Variants in LRTM3 observed in about 807,000 individuals in gnomAD.
LRTM3 encodes the protein leucine rich repeat transmembrane protein 3.
chr13:102,729,588 G>T, the LRTM3 span: 5 of 1,535,766 alleles, frequency 3.3e-6, no homozygotes. Flanking sequence ...GTTTCAGGGG[G>T]AATAGTCCAG....
chr13:102,731,223 C>A, the LRTM3 span: 1 of 1,551,388 alleles, frequency 6.4e-7, no homozygotes, highest in South Asian at 1.2e-5. Flanking sequence ...ATATTGCTGG[C>A]AAGAGGTGAA....
At chr13:102,741,467 TCA>T in the LRTM3 span, 5 of 1,549,816 alleles carry the variant, frequency 3.2e-6, no homozygotes, top group South Asian at 4.8e-5. Context: ...TACAAATATA[TCA>T]GTTTCCTTTA....
At chr13:102,734,227 C>T in the LRTM3 span, 1 of 1,551,358 alleles carries the variant, frequency 6.4e-7, no homozygotes, top group Non-Finnish European at 8.7e-7. Context: ...CTTTCTGTGA[C>T]CTATGTGGTT....
chr13:102,742,616 TTC>T, the LRTM3 span: 10 of 1,550,568 alleles, frequency 6.4e-6, no homozygotes, highest in Non-Finnish European at 8.7e-6. Flanking sequence ...GGCTTTAAAG[TTC>T]TGTTTCTGCT....
At chr13:102,733,773 G>A in the LRTM3 span, 97 of 1,551,344 alleles carry the variant, frequency 6.3e-5, no homozygotes, top group Middle Eastern at 6.7e-4. Context: ...GACCTGACTC[G>A]TGAAGGTTGG....
chr13:102,735,029 C>T, the LRTM3 span: 1 of 1,551,168 alleles, frequency 6.4e-7, no homozygotes, highest in South Asian at 1.2e-5. Flanking sequence ...TATTGGTATG[C>T]TTTCCTCCTG....
chr13:102,739,317 CCTT>C, the LRTM3 span: 15 of 1,549,236 alleles, frequency 9.7e-6, no homozygotes, highest in Non-Finnish European at 1.1e-5. Flanking sequence ...TCTCTATCTT[CCTT>C]CTTTTTCTGT....
the LRTM3 span, among the ~76,000 whole-genome samples, chr13:102,753,986 G>A: frequency 6.6e-6 from 1 of 152,046 alleles, no homozygotes; most frequent in African/African-American, 2.4e-5. Context: ...CGAAGCAGGT[G>A]GATCACTTGA....
chr13:102,755,293 T>A, the LRTM3 span, among the ~76,000 whole-genome samples: 1 of 150,392 alleles, frequency 6.6e-6, no homozygotes, highest in Non-Finnish European at 1.5e-5. Flanking sequence ...ATGCAGTAGA[T>A]TTTAACCATT....
chr13:102,734,645 C>G, the LRTM3 span: 5 of 1,550,836 alleles, frequency 3.2e-6, no homozygotes, highest in African/African-American at 5.5e-5. Flanking sequence ...TGGGATATCA[C>G]CAACGACGGA....
At chr13:102,738,998 TG>T in the LRTM3 span, 1 of 1,550,368 alleles carries the variant, frequency 6.5e-7, no homozygotes, top group Non-Finnish European at 8.7e-7. Flanking sequence ...ATCAATTGGC[TG>T]CTCACATTTT....
At chr13:102,752,079 C>G in the LRTM3 span, among the ~76,000 whole-genome samples, 2 of 152,174 alleles carry the variant, frequency 1.3e-5, no homozygotes, top group Admixed American at 6.5e-5. Context: ...AACCAGCCAG[C>G]ATTCCTTCCT....
chr13:102,739,718 T>A, the LRTM3 span: 4 of 1,549,624 alleles, frequency 2.6e-6, no homozygotes, highest in Non-Finnish European at 3.5e-6. Flanking sequence ...ATTCTTTCCC[T>A]GTGATATGTG....
the LRTM3 span, chr13:102,733,862 T>G: frequency 6.4e-7 from 1 of 1,551,398 alleles, no homozygotes; most frequent in Non-Finnish European, 8.7e-7. Flanking sequence ...CTGTTCTGCT[T>G]GCTTAACAAC....
the LRTM3 span, among the ~76,000 whole-genome samples, chr13:102,753,494 T>TAAAAAAAAAAAAAGAAAAAAA: frequency 8.0e-6 from 1 of 124,442 alleles, no homozygotes; most frequent in Non-Finnish European, 1.6e-5. Flanking sequence ...AAAGTAAAAT[T>TAAAAAAAAAAAAAGAAAAAAA]AAAAAAAAAA....
the LRTM3 span, among the ~76,000 whole-genome samples, chr13:102,753,572 A>AAGGAGAAACACCTC: frequency 9.2e-3 from 1,399 of 152,172 alleles, 23 homozygotes; most frequent in African/African-American, 0.032. Flanking sequence ...TCTGCGAGTC[A>AAGGAGAAACACCTC]AGGAGAAACA....
At chr13:102,730,028 T>A in the LRTM3 span, 1 of 1,551,674 alleles carries the variant, frequency 6.4e-7, no homozygotes, top group Non-Finnish European at 8.7e-7. Context: ...TGACCTAGAC[T>A]GAATTTCCGC....
chr13:102,744,714 T>C, the LRTM3 span: 4 of 1,550,766 alleles, frequency 2.6e-6, no homozygotes, highest in South Asian at 3.6e-5. Context: ...ACTGATTCTG[T>C]TAACATTTTT....
chr13:102,741,381 C>T, the LRTM3 span: 848 of 1,549,818 alleles, frequency 5.5e-4, 1 homozygote, highest in Non-Finnish European at 6.4e-4. Context: ...TCTGGATTCA[C>T]CTGTTCTTTC....
Sources: allele counts gnomAD v4.1 joint callset (sites outside exome capture counted in the v4.1 genomes callset), GRCh38; gene constraint gnomAD v4.1.1; transcripts MANE v1.5; gene names NCBI Gene and HGNC (gene_info 2026-07-23, HGNC 2026-07-21).